The following KIAA1328 variants were observed in gnomAD, a reference collection of about 807,000 sequenced individuals.
The protein encoded by KIAA1328 is protein hinderin.
A neutral mutation model predicts 68.1 loss-of-function variants in KIAA1328; 52 were observed. That is an observed-to-expected ratio of 0.76 (90% CI 0.61 to 0.96). KIAA1328 has a LOEUF of 0.96. Among genes scored for constraint, KIAA1328 ranks in the 40% least tolerant of loss-of-function variants. The pLI, the probability that KIAA1328 is intolerant of heterozygous loss-of-function variation, is 0.00. For missense variants in KIAA1328, 641 were observed against 677.6 expected (o/e 0.95, Z 0.60); for synonymous variants, 232 against 239.4 (o/e 0.97, Z 0.28).
chr18:37,097,246 T>G (rs2057440122), intron 7 of KIAA1328, among the ~76,000 whole-genome samples: 1 of 152,236 alleles, frequency 6.6e-6, no homozygotes, highest in Admixed American at 6.5e-5. Flanking sequence ...GAATTAATTT[T>G]TGTATAAGGT....
intron 6 of KIAA1328, among the ~76,000 whole-genome samples, chr18:37,065,419 C>T (rs1203430360): frequency 6.6e-6 from 1 of 152,182 alleles, no homozygotes; most frequent in Non-Finnish European, 1.5e-5. Context: ...AAAACAAGGC[C>T]TCTCCACAAG....
chr18:36,929,451 C>G (rs1428941539), intron 5 of KIAA1328, among the ~76,000 whole-genome samples: 1 of 151,234 alleles, frequency 6.6e-6, no homozygotes, highest in African/African-American at 2.5e-5. Context: ...TTCAATGTAC[C>G]TGACTTTGAA....
At chr18:37,061,695 TG>T (rs2056153408) in intron 6 of KIAA1328, among the ~76,000 whole-genome samples, 1 of 152,218 alleles carries the variant, frequency 6.6e-6, no homozygotes, top group South Asian at 2.1e-4. Flanking sequence ...GTTACTTCCT[TG>T]TGTCCTAAAG....
intron 6 of KIAA1328, among the ~76,000 whole-genome samples, chr18:37,009,449 T>A (rs914997323): frequency 6.6e-6 from 1 of 152,128 alleles, no homozygotes; most frequent in Non-Finnish European, 1.5e-5. Flanking sequence ...CCTCTTTTTG[T>A]CTTTTGTCCA....
At chr18:36,965,238 G>A (rs1046205030) in intron 6 of KIAA1328, among the ~76,000 whole-genome samples, 1 of 151,894 alleles carries the variant, frequency 6.6e-6, no homozygotes, top group Non-Finnish European at 1.5e-5. Flanking sequence ...CAGTTCCTCT[G>A]ATCTGGTAAA....
intron 6 of KIAA1328, among the ~76,000 whole-genome samples, chr18:37,037,001 G>A (rs2055052750): frequency 6.6e-6 from 1 of 152,014 alleles, no homozygotes; most frequent in South Asian, 2.1e-4. Flanking sequence ...GTAATTTTTT[G>A]AATTTTCATC....
At chr18:37,005,347 G>A (rs1215924047) in intron 6 of KIAA1328, among the ~76,000 whole-genome samples, 2 of 151,826 alleles carry the variant, frequency 1.3e-5, no homozygotes, top group African/African-American at 4.8e-5. Flanking sequence ...ATATGAAAAA[G>A]TGCTCAGCAT....
chr18:37,037,444 T>G (rs1400153607), intron 6 of KIAA1328, among the ~76,000 whole-genome samples: 5 of 152,204 alleles, frequency 3.3e-5, no homozygotes, highest in Admixed American at 6.5e-5. Context: ...ACCTCATAAT[T>G]TAGTTTTTTT....
intron 5 of KIAA1328, among the ~76,000 whole-genome samples, chr18:36,937,711 T>C (rs894836489): frequency 6.6e-6 from 1 of 152,214 alleles, no homozygotes; most frequent in African/African-American, 2.4e-5. Flanking sequence ...TTTTTAAGTG[T>C]ATAGTTCTGT....
In KIAA1328 at chr18:37,224,974, G is replaced by A. The variant is rs780114103; in HGVS notation, c.*2747G>A. ...ATAGAAAAGCTTTTGCTAACAGTCC[G>A]CTTTCCAGGAGGCAAACTTGTGTTT... On this transcript the variant is annotated 3_prime_UTR_variant, in exon 10 of 10. Coordinates refer to ENST00000280020, the MANE Select transcript of KIAA1328 (RefSeq NM_020776.3). The A allele has an allele frequency of 2.6e-5, 26 of 985,340 alleles. No homozygotes were observed. The highest frequency in any genetic ancestry group is 1.1e-4 in the East Asian group (1 of 8,830). 61.0% of individuals were successfully genotyped at this position (985,340 alleles called of 1,614,324 possible).
chr18:36,842,266 A>G (rs1329720255), intron 3 of KIAA1328, among the ~76,000 whole-genome samples: 1 of 152,112 alleles, frequency 6.6e-6, no homozygotes, highest in African/African-American at 2.4e-5. Flanking sequence ...TGGTACTGCC[A>G]TTTCTGAGGA....
chr18:37,044,700 C>T (rs1211915497), intron 6 of KIAA1328, among the ~76,000 whole-genome samples: 1 of 151,024 alleles, frequency 6.6e-6, no homozygotes, highest in Admixed American at 6.6e-5. Flanking sequence ...GTTTGGGAGG[C>T]TGAGGCAGAG....
intron 4 of KIAA1328, among the ~76,000 whole-genome samples, chr18:36,875,645 C>T (rs1454534436): frequency 6.6e-6 from 1 of 152,060 alleles, no homozygotes; most frequent in African/African-American, 2.4e-5. Context: ...TTCTTCTCTT[C>T]GAATACCATT....
intron 6 of KIAA1328, among the ~76,000 whole-genome samples, chr18:36,959,741 G>A (rs1340011148): frequency 1.3e-5 from 2 of 152,082 alleles, no homozygotes; most frequent in African/African-American, 4.8e-5. Flanking sequence ...AGATCAGGTG[G>A]GCTGTTTGTT....
intron 6 of KIAA1328, among the ~76,000 whole-genome samples, chr18:36,976,648 A>G (rs1228319555): frequency 6.6e-6 from 1 of 151,778 alleles, no homozygotes; most frequent in Non-Finnish European, 1.5e-5. Context: ...ATTATATTAT[A>G]TTACAATTGT....
At chr18:37,173,943 T>G (rs978392012) in intron 9 of KIAA1328, among the ~76,000 whole-genome samples, 1 of 152,196 alleles carries the variant, frequency 6.6e-6, no homozygotes, top group Non-Finnish European at 1.5e-5. Flanking sequence ...TAGGAAACAG[T>G]GTGTTCATCG....
chr18:36,945,996 C>T (rs772571534), intron 5 of KIAA1328, among the ~76,000 whole-genome samples: 7 of 152,154 alleles, frequency 4.6e-5, no homozygotes, highest in Admixed American at 6.5e-5. Context: ...ATCCCTAATC[C>T]GGAAATCCAA....
intron 5 of KIAA1328, among the ~76,000 whole-genome samples, chr18:36,921,933 A>AT (rs927340871): frequency 6.3e-4 from 92 of 146,328 alleles, no homozygotes; most frequent in Middle Eastern, 3.6e-3. Context: ...TTTTGAAAAT[A>AT]TTTTTTTTTT....
At chr18:37,081,912 G>A (rs998047846) in intron 7 of KIAA1328, among the ~76,000 whole-genome samples, 1 of 152,022 alleles carries the variant, frequency 6.6e-6, no homozygotes, top group Non-Finnish European at 1.5e-5. Context: ...CTAATAATTT[G>A]TTATTGAATA....
Sources: gnomAD v4.1 joint callset for allele counts (sites outside exome capture counted in the v4.1 genomes callset) on GRCh38, gnomAD v4.1.1 for gene constraint, MANE v1.5 for transcripts, NCBI Gene and HGNC (gene_info 2026-07-23, HGNC 2026-07-21) for gene names.